OR7C2: variants seen among roughly 807,000 people sequenced by gnomAD.
The protein encoded by OR7C2 is olfactory receptor family 7 subfamily C member 2, also known as olfactory receptor 7C2.
For missense variants in OR7C2, 374 were observed against 387.4 expected (o/e 0.97, Z 0.29); for synonymous variants, 160 against 157.7 (o/e 1.01, Z -0.11).
Position 14,941,834 on chromosome 19 carries a change from A to G in OR7C2, c.346A>G (p.Thr116Ala), listed in dbSNP as rs1391117827. The change falls in exon 1 of 1, where the codon ACC becomes GCC. Residue 116 changes from threonine to alanine, a missense_variant. Coordinates refer to ENST00000248072, the MANE Select transcript of OR7C2 (RefSeq NM_012377.1). Reference sequence around the variant, plus strand: ...TGGATGCCTGGACAATTTGCTCCTGACCATGACGGCCTATGACCGCTTCGT... The same window carrying G: ...TGGATGCCTGGACAATTTGCTCCTGGCCATGACGGCCTATGACCGCTTCGT... ...AFGCLDNLLL[T>A]MTAYDRFVAI... 17 of 1,613,934 alleles carry G rather than the reference A, an allele frequency of 1.1e-5. No individual in the cohort carries two copies. Among genetic ancestry groups the G allele is most frequent in the Non-Finnish European group, 1.4e-5 (16 of 1,180,026 alleles).
rs767216649 is a variant in OR7C2 at position 14,941,561 on chromosome 19, C to A, written c.73C>A (p.Leu25Ile). ...LGFAEDSDMQ[L>I]LLHGLFLSMY... ...ATTCGCAGAGGACTCTGACATGCAG[C>A]TTCTCCTCCATGGGCTGTTCCTCTC... The change falls in exon 1 of 1, where the codon CTT becomes ATT. Residue 25 changes from leucine (L) to isoleucine (I), a missense_variant. Leu to Ile is a conservative substitution (Grantham distance 5, BLOSUM62 2). Transcript: ENST00000248072. The A allele has an allele frequency of 4.4e-5, 71 of 1,613,130 alleles. 1 individual carries two copies. The highest frequency in any genetic ancestry group is 5.9e-5 in the Non-Finnish European group (70 of 1,179,402).
In OR7C2 at chr19:14,941,664, T is replaced by G. The variant is rs758367706; in HGVS notation, c.176T>G (p.Met59Arg). The change falls in exon 1 of 1, where the codon ATG becomes AGG. Residue 59 changes from methionine to arginine, a missense_variant. Physicochemically the swap from Met to Arg is moderately conservative, Grantham distance 91 (BLOSUM62 -1). Coordinates refer to ENST00000248072, the MANE Select transcript of OR7C2 (RefSeq NM_012377.1). ...ISSDSHLHTP[M>R]YFFLSNLSFA... ...TCAGACTCCCACCTCCACACCCCCA[T>G]GTACTTCTTCCTCTCCAACCTGTCC... 4 of 1,614,158 alleles carry G rather than the reference T, an allele frequency of 2.5e-6. No homozygotes were observed. The Admixed American group carries it at 6.7e-5, about 27-fold the overall frequency.
chr19:14,941,508 C>T lies in OR7C2; in HGVS notation c.20C>T (p.Thr7Ile), dbSNP rs773551214. 7.0e-6 allele frequency: 11 copies of T among 1,572,312 alleles called. No homozygotes were observed. The African/African-American group carries it at 1.4e-4, about 19-fold the overall frequency. Residue 7 changes from threonine to isoleucine, a missense_variant, in exon 1 of 1, where the codon ACA becomes ATA. Physicochemically the swap from Thr to Ile is moderately conservative, Grantham distance 89. Transcript: ENST00000248072. Reference sequence around the variant, plus strand: ...GGCCCCATGGAAAGAGGAAACCAAACAGAAGTTGGAAACTTTCTCCTCCTG... The same window carrying T: ...GGCCCCATGGAAAGAGGAAACCAAATAGAAGTTGGAAACTTTCTCCTCCTG... The part of the protein sequence containing the change: MERGNQ[T>I]EVGNFLLLGF...
Position 14,941,607 on chromosome 19 carries a change from T to A in OR7C2, c.119T>A (p.Ile40Asn). 6.2e-7 allele frequency: 1 copy of A among 1,614,136 alleles called. No individual in the cohort carries two copies. The highest frequency in any genetic ancestry group is 8.5e-7 in the Non-Finnish European group (1 of 1,180,026). ...CTCTCCATGTACCTGGTTACCATCA[T>A]CGGAAACCTGCTCATCATCCTGACC... ...LFLSMYLVTI[I>N]GNLLIILTIS... The change falls in exon 1 of 1, where the codon ATC (isoleucine) becomes AAC (asparagine). Residue 40 changes from isoleucine to asparagine, a missense_variant. Coordinates refer to ENST00000248072, the MANE Select transcript of OR7C2 (RefSeq NM_012377.1).
Position 14,942,252 on chromosome 19 carries a change from T to C in OR7C2, c.764T>C (p.Leu255Pro). The change falls in exon 1 of 1, where the codon CTT becomes CCT. Residue 255 changes from leucine (L) to proline (P), a missense_variant. Coordinates refer to ENST00000248072, the MANE Select transcript of OR7C2 (RefSeq NM_012377.1). ...SVVSLFYGTG[L>P]GVYLSSAVTP... ...GTCAGCTTGTTCTATGGCACTGGCCTTGGGGTCTATCTCAGTTCTGCAGTT... is the reference window on the plus strand; with the variant it reads ...GTCAGCTTGTTCTATGGCACTGGCCCTGGGGTCTATCTCAGTTCTGCAGTT... 6.2e-7 allele frequency: 1 copy of C among 1,614,178 alleles called. No individual in the cohort carries two copies. The highest frequency in any genetic ancestry group is 1.1e-5 in the South Asian group (1 of 91,068).
In OR7C2 at chr19:14,942,181, AG is replaced by A; in HGVS notation, c.695del (p.Gly232AlafsTer44). On this transcript the variant is annotated frameshift_variant, in exon 1 of 1. Coordinates refer to ENST00000248072, the MANE Select transcript of OR7C2 (RefSeq NM_012377.1). LOFTEE classifies it low-confidence loss of function (END_TRUNC). Reference sequence around the variant, plus strand: ...CCTCCGTCCTAAGAGTATCTGCCAGAGGCCAGCACAAAGCCTTTTCCACCTG... The same window carrying A: ...CCTCCGTCCTAAGAGTATCTGCCAGAGCCAGCACAAAGCCTTTTCCACCTG... ...FSSVLRVSARGQHKAFSTCGS... is the reference protein window; with the variant it reads ...FSSVLRVSARXQHKAFSTCGS... 1 of 1,608,994 alleles carries A rather than the reference AG, an allele frequency of 6.2e-7. No homozygotes were observed. The highest frequency in any genetic ancestry group is 1.7e-5 in the Admixed American group (1 of 59,648).
rs1042141856 is a variant in OR7C2, at chr19:14,942,418, C to G, written c.930C>G (p.Leu310=). The G allele has an allele frequency of 6.2e-7, 1 of 1,613,364 alleles. No homozygotes were observed. Among genetic ancestry groups the G allele is most frequent in the Non-Finnish European group, 8.5e-7 (1 of 1,179,668 alleles). The change falls in exon 1 of 1, where the codon CTC becomes CTG. Residue 310 remains leucine (L), a synonymous_variant. Transcript: ENST00000248072. ...GACTCCTCCTCAGGGCAACGTCTCT[C>G]AAAGAGGGGACCATTGCTAAGCTCT... ...LGRLLLRATS[L]KEGTIAKLS
Position 14,942,343 on chromosome 19 carries a change from C to A in OR7C2, c.855C>A (p.Asn285Lys), listed in dbSNP as rs2045355544. 3 of 1,614,030 alleles carry A rather than the reference C, an allele frequency of 1.9e-6. No individual in the cohort carries two copies. Among genetic ancestry groups the A allele is most frequent in the South Asian group, 2.2e-5 (2 of 91,076 alleles). ...ACACCATGGTCACCCCCATGCTGAACCCCTTCATCTACAGCCTGAGGAACA... is the reference window on the plus strand; with the variant it reads ...ACACCATGGTCACCCCCATGCTGAAACCCTTCATCTACAGCCTGAGGAACA... ...VMYTMVTPML[N>K]PFIYSLRNKD... is the part of the protein sequence containing the mutation. Residue 285 changes from asparagine to lysine, a missense_variant, in exon 1 of 1, where the codon AAC becomes AAA. Asn to Lys is a moderately conservative substitution (Grantham distance 94, BLOSUM62 0). Coordinates refer to ENST00000248072, the MANE Select transcript of OR7C2 (RefSeq NM_012377.1).
chr19:14,942,235 G>T lies in OR7C2; in HGVS notation c.747G>T (p.Leu249Phe). The T allele has an allele frequency of 6.2e-7, 1 of 1,614,140 alleles. No individual in the cohort carries two copies. The highest frequency in any genetic ancestry group is 2.2e-5 in the East Asian group (1 of 44,880). Residue 249 changes from leucine (L) to phenylalanine (F), a missense_variant, in exon 1 of 1, where the codon TTG becomes TTT. Coordinates refer to ENST00000248072, the MANE Select transcript of OR7C2 (RefSeq NM_012377.1). ...GTTCCCACCTCTCAGTGGTCAGCTT[G>T]TTCTATGGCACTGGCCTTGGGGTCT... The part of the protein sequence containing the change: ...TCGSHLSVVS[L>F]FYGTGLGVYL...
rs148935964 is a variant in OR7C2 at position 14,942,013 on chromosome 19, G to A, written c.525G>A (p.Pro175=). The A allele has an allele frequency of 3.1e-5, 50 of 1,614,024 alleles. No homozygotes were observed. Among genetic ancestry groups the A allele is most frequent in the African/African-American group, 4.0e-5 (3 of 74,986 alleles). ...RLSFCTNMEI[P]HFFCDPSEVL... ...CCTTCTGCACAAATATGGAAATTCCGCACTTTTTTTGTGATCCTTCCGAAG... is the reference window on the plus strand; with the variant it reads ...CCTTCTGCACAAATATGGAAATTCCACACTTTTTTTGTGATCCTTCCGAAG... Residue 175 remains proline, a synonymous_variant, in exon 1 of 1, where the codon CCG becomes CCA. Transcript: ENST00000248072.
At position 14,942,420 on chromosome 19, in the gene OR7C2, A is replaced by C. The variant is rs773400416; in HGVS notation, c.932A>C (p.Lys311Thr). 1.7e-5 allele frequency: 28 copies of C among 1,613,270 alleles called. No homozygotes were observed. In the Admixed American group the frequency reaches 4.7e-4, roughly 27 times the overall value. The change falls in exon 1 of 1, where the codon AAA becomes ACA. Residue 311 changes from lysine to threonine, a missense_variant. Lys to Thr is a moderately conservative substitution (Grantham distance 78). Transcript: ENST00000248072. ...CTCCTCCTCAGGGCAACGTCTCTCA[A>C]AGAGGGGACCATTGCTAAGCTCTCA... is the stretch of plus-strand genomic sequence containing the variant. ...GRLLLRATSLKEGTIAKLS is the reference protein window; with the variant it reads ...GRLLLRATSLTEGTIAKLS
rs1223840201 is a variant in OR7C2 at position 14,942,395 on chromosome 19, C to T, written c.907C>T (p.Leu303Phe). The T allele has an allele frequency of 1.2e-6, 2 of 1,614,072 alleles. No individual in the cohort carries two copies. Among genetic ancestry groups the T allele is most frequent in the Non-Finnish European group, 1.7e-6 (2 of 1,179,936 alleles). The change falls in exon 1 of 1, where the codon CTC becomes TTC. Residue 303 changes from leucine (L) to phenylalanine (F), a missense_variant. Physicochemically the swap from Leu to Phe is conservative, Grantham distance 22 (BLOSUM62 0). Transcript: ENST00000248072. The stretch of plus-strand genomic sequence containing the variant: ...GGACATGAAGGGGTCACTGGGGAGA[C>T]TCCTCCTCAGGGCAACGTCTCTCAA... ...NKDMKGSLGR[L>F]LLRATSLKEG...
rs1469258026 is a variant in OR7C2, at chr19:14,941,862, C to A, written c.374C>A (p.Ala125Asp). Residue 125 changes from alanine (A) to aspartate (D), a missense_variant, in exon 1 of 1, where the codon GCC becomes GAC. Coordinates refer to ENST00000248072, the MANE Select transcript of OR7C2 (RefSeq NM_012377.1). ...LTMTAYDRFV[A>D]ICYPLHYTVI... ...ATGACGGCCTATGACCGCTTCGTGG[C>A]CATCTGTTACCCCCTGCACTACACG... 1 of 1,614,058 alleles carries A rather than the reference C, an allele frequency of 6.2e-7. No homozygotes were observed. The highest frequency in any genetic ancestry group is 8.5e-7 in the Non-Finnish European group (1 of 1,180,018).
rs1021078546 is a variant in OR7C2, at chr19:14,941,879, C to A, written c.391C>A (p.His131Asn). 1.2e-6 allele frequency: 2 copies of A among 1,614,036 alleles called. No individual in the cohort carries two copies. The highest frequency in any genetic ancestry group is 2.7e-5 in the African/African-American group (2 of 74,896). ...DRFVAICYPL[H>N]YTVIMNPRLC... ...CTTCGTGGCCATCTGTTACCCCCTGCACTACACGGTCATCATGAACCCCCG... is the reference window on the plus strand; with the variant it reads ...CTTCGTGGCCATCTGTTACCCCCTGAACTACACGGTCATCATGAACCCCCG... Residue 131 changes from histidine to asparagine, a missense_variant, in exon 1 of 1, where the codon CAC becomes AAC. Coordinates refer to ENST00000248072, the MANE Select transcript of OR7C2 (RefSeq NM_012377.1).
chr19:14,941,833 G>T lies in OR7C2; in HGVS notation c.345G>T (p.Leu115=), dbSNP rs142503333. The stretch of plus-strand genomic sequence containing the variant: ...TTGGATGCCTGGACAATTTGCTCCT[G>T]ACCATGACGGCCTATGACCGCTTCG... ...IAFGCLDNLL[L]TMTAYDRFVA... is the part of the protein sequence containing the mutation. The change falls in exon 1 of 1, where the codon CTG becomes CTT. Residue 115 remains leucine (L), a synonymous_variant. Transcript: ENST00000248072. The T allele has an allele frequency of 1.9e-6, 3 of 1,613,864 alleles. No homozygotes were observed. The African/African-American group carries it at 4.0e-5, about 22-fold the overall frequency.
In OR7C2 at chr19:14,942,418, C is replaced by T; in HGVS notation, c.930C>T (p.Leu310=). The part of the protein sequence containing the change: ...LGRLLLRATS[L]KEGTIAKLS ...GACTCCTCCTCAGGGCAACGTCTCT[C>T]AAAGAGGGGACCATTGCTAAGCTCT... Residue 310 remains leucine (L), a synonymous_variant, in exon 1 of 1, where the codon CTC becomes CTT. Coordinates refer to ENST00000248072, the MANE Select transcript of OR7C2 (RefSeq NM_012377.1). 6.2e-7 allele frequency: 1 copy of T among 1,613,364 alleles called. No homozygotes were observed. Among genetic ancestry groups the T allele is most frequent in the South Asian group, 1.1e-5 (1 of 90,982 alleles).
Position 14,942,390 on chromosome 19 carries a change from G to A in OR7C2, c.902G>A (p.Gly301Glu). 6.2e-7 allele frequency: 1 copy of A among 1,614,042 alleles called. No individual in the cohort carries two copies. Among genetic ancestry groups the A allele is most frequent in the Non-Finnish European group, 8.5e-7 (1 of 1,179,966 alleles). ...AACAAGGACATGAAGGGGTCACTGG[G>A]GAGACTCCTCCTCAGGGCAACGTCT... is the stretch of plus-strand genomic sequence containing the variant. ...LRNKDMKGSLGRLLLRATSLK... is the reference protein window; with the variant it reads ...LRNKDMKGSLERLLLRATSLK... The change falls in exon 1 of 1, where the codon GGG becomes GAG. Residue 301 changes from glycine (G) to glutamate (E), a missense_variant. Transcript: ENST00000248072.
At position 14,942,326 on chromosome 19, in the gene OR7C2, G is replaced by T; in HGVS notation, c.838G>T (p.Val280Phe). ...GGCAGCCTCGGTGATGTACACCATGGTCACCCCCATGCTGAACCCCTTCAT... is the reference window on the plus strand; with the variant it reads ...GGCAGCCTCGGTGATGTACACCATGTTCACCCCCATGCTGAACCCCTTCAT... ...SLAASVMYTM[V>F]TPMLNPFIYS... Residue 280 changes from valine (V) to phenylalanine (F), a missense_variant, in exon 1 of 1, where the codon GTC becomes TTC. Coordinates refer to ENST00000248072, the MANE Select transcript of OR7C2 (RefSeq NM_012377.1). 6.2e-7 allele frequency: 1 copy of T among 1,614,046 alleles called. No individual in the cohort carries two copies. The highest frequency in any genetic ancestry group is 8.5e-7 in the Non-Finnish European group (1 of 1,180,008).
In OR7C2 at chr19:14,941,578, G is replaced by GT. The variant is rs1217413059; in HGVS notation, c.92dup (p.Leu32ProfsTer39). 6.2e-7 allele frequency: 1 copy of GT among 1,614,006 alleles called. No homozygotes were observed. The highest frequency in any genetic ancestry group is 1.7e-5 in the Admixed American group (1 of 60,002). On this transcript the variant is annotated frameshift_variant, in exon 1 of 1. Coordinates refer to ENST00000248072, the MANE Select transcript of OR7C2 (RefSeq NM_012377.1). LOFTEE classifies it low-confidence loss of function (END_TRUNC). ...ACATGCAGCTTCTCCTCCATGGGCT[G>GT]TTCCTCTCCATGTACCTGGTTACCA... is the stretch of plus-strand genomic sequence containing the variant.
Sources: allele counts gnomAD v4.1 joint callset, GRCh38; gene constraint gnomAD v4.1.1; transcripts MANE v1.5; gene names NCBI Gene and HGNC (gene_info 2026-07-23, HGNC 2026-07-21).